Variants in PRKN observed in about 807,000 individuals in gnomAD.
The protein encoded by PRKN is parkin RBR E3 ubiquitin protein ligase.
Under a neutral mutation model 59.5 loss-of-function variants are expected in PRKN, and 56 were observed. The observed-to-expected ratio is 0.94, with a 90% CI of 0.76 to 1.18. PRKN has a LOEUF of 1.18. PRKN is among the 50% of genes most tolerant of loss of function. PRKN has a pLI of 0.00. For synonymous variants in PRKN, 250 were observed against 222.1 expected, an observed-to-expected ratio of 1.13 and a Z score of -1.12; for missense variants, 657 against 596.4, an observed-to-expected ratio of 1.10 and a Z score of -1.06.
At chr6:162,709,239 G>A (rs911741374) in intron 1 of PRKN, among the ~76,000 whole-genome samples, 8 of 151,984 alleles carry the variant, frequency 5.3e-5, no homozygotes, top group African/African-American at 1.2e-4. Flanking sequence ...TAAAGGTAAC[G>A]CACTTGAATT....
At chr6:162,361,830 T>G (rs551446271) in intron 2 of PRKN, among the ~76,000 whole-genome samples, 57 of 152,148 alleles carry the variant, frequency 3.7e-4, no homozygotes, top group Non-Finnish European at 7.1e-4. Context: ...TGTAAATACG[T>G]GCAGCCTGAT....
intron 7 of PRKN, among the ~76,000 whole-genome samples, chr6:161,687,340 G>T (rs539066254): frequency 3.2e-4 from 36 of 111,878 alleles, no homozygotes; most frequent in African/African-American, 1.1e-3. Context: ...AGTGAGCCGA[G>T]ATCGCACCAC....
At chr6:162,151,872 C>A (rs1782286255) in intron 4 of PRKN, among the ~76,000 whole-genome samples, 1 of 151,014 alleles carries the variant, frequency 6.6e-6, no homozygotes, top group Non-Finnish European at 1.5e-5. Flanking sequence ...CATAAACTGC[C>A]CAGAGTTACA....
At chr6:162,568,546 A>C in intron 1 of PRKN, 1 of 780,802 alleles carries the variant, frequency 1.3e-6, no homozygotes. Flanking sequence ...CTGGAGGTGG[A>C]CCCCAACATC....
rs1358269736 is a variant in PRKN at position 161,353,472 on chromosome 6, A to C, written c.1286-3261T>G. ...ATGCTTCCATCGTGCCTATCCCAGG[A>C]AGTCTCCATAGAGGGCCCCAGAGGA... On this transcript the variant is annotated intron_variant, in intron 11 of 11. Transcript: ENST00000366898. This position sits in a 1 kb window ranked among gnomAD's most constrained non-coding sequence, Gnocchi z 4.8. 6.6e-6 allele frequency among the ~76,000 whole-genome samples: 1 copy of C among 152,056 alleles called. No homozygotes were observed. The highest frequency in any genetic ancestry group is 1.5e-5 in the Non-Finnish European group (1 of 68,010).
intron 2 of PRKN, among the ~76,000 whole-genome samples, chr6:162,398,740 C>A (rs906980185): frequency 6.6e-6 from 1 of 152,248 alleles, no homozygotes; most frequent in East Asian, 1.9e-4. Context: ...TTCAGGGAAA[C>A]AAATATGCAA....
intron 9 of PRKN, among the ~76,000 whole-genome samples, chr6:161,404,949 T>C (rs1787195716): frequency 6.6e-6 from 1 of 152,232 alleles, no homozygotes; most frequent in Non-Finnish European, 1.5e-5. Flanking sequence ...TATATGTTTC[T>C]GTAAAGTCAT....
intron 9 of PRKN, among the ~76,000 whole-genome samples, chr6:161,431,705 C>T (rs1234313068): frequency 1.3e-5 from 2 of 151,856 alleles, no homozygotes; most frequent in Non-Finnish European, 2.9e-5. Flanking sequence ...CTCCGCCTCC[C>T]GGGTTCAAGA....
At chr6:162,153,007 G>C (rs1179384245) in intron 4 of PRKN, among the ~76,000 whole-genome samples, 1 of 152,204 alleles carries the variant, frequency 6.6e-6, no homozygotes, top group Non-Finnish European at 1.5e-5. Flanking sequence ...AAAAATAGTA[G>C]ATTAAACCAA....
intron 6 of PRKN, among the ~76,000 whole-genome samples, chr6:161,861,454 T>A (rs957486632): frequency 6.6e-6 from 1 of 152,034 alleles, no homozygotes; most frequent in African/African-American, 2.4e-5. Context: ...AGGGAGAGCA[T>A]TAGAACAAAT....
In PRKN at chr6:161,578,872, T is replaced by C. The variant is rs939853185; in HGVS notation, c.872-9456A>G. Among the ~76,000 whole-genome samples the C allele has an allele frequency of 6.6e-6, 1 of 152,252 alleles. No individual in the cohort carries two copies. The highest frequency in any genetic ancestry group is 1.9e-4 in the East Asian group (1 of 5,200). On this transcript the variant is annotated intron_variant, in intron 7 of 11. Coordinates refer to ENST00000366898, the MANE Select transcript of PRKN (RefSeq NM_004562.3). This position sits in a 1 kb window ranked among gnomAD's most constrained non-coding sequence, Gnocchi z 4.2. ...TAAATATTTTGAATTGTGTGTATAT[T>C]CTTGGCGCTTTGCCTTCACCTTTGA...
intron 9 of PRKN, among the ~76,000 whole-genome samples, chr6:161,411,287 T>C (rs1035021514): frequency 6.6e-6 from 1 of 152,128 alleles, no homozygotes; most frequent in African/African-American, 2.4e-5. Flanking sequence ...ACTGTCCTTG[T>C]GGTAGTGAAT....
chr6:161,658,519 T>C (rs1438180586), intron 7 of PRKN, among the ~76,000 whole-genome samples: 1 of 152,236 alleles, frequency 6.6e-6, no homozygotes, highest in Non-Finnish European at 1.5e-5. Context: ...GAGGAATTCA[T>C]AAGTGCCTCT....
At chr6:162,649,438 G>T (rs1257096752) in intron 1 of PRKN, among the ~76,000 whole-genome samples, 2 of 152,000 alleles carry the variant, frequency 1.3e-5, no homozygotes, top group Non-Finnish European at 2.9e-5. Context: ...GACAAACCAG[G>T]ATGGTACACA....
Position 161,499,387 on chromosome 6 carries a change from G to T in PRKN, c.1083+49467C>A, listed in dbSNP as rs1488252565. ...GGGCTGTGTTTTTCTAAAAGTAAGA[G>T]AAAGAGTGTATTTCTTTGTGGAGTG... is the stretch of plus-strand genomic sequence containing the variant. On this transcript the variant is annotated intron_variant, in intron 9 of 11. Coordinates refer to ENST00000366898, the MANE Select transcript of PRKN (RefSeq NM_004562.3). The surrounding 1 kb of genome is among the most constrained non-coding windows in gnomAD (Gnocchi z 4.2). Among the ~76,000 whole-genome samples the T allele has an allele frequency of 6.6e-6, 1 of 152,184 alleles. No homozygotes were observed. The highest frequency in any genetic ancestry group is 1.5e-5 in the Non-Finnish European group (1 of 68,018).
chr6:162,335,838 G>A (rs2128126211), intron 2 of PRKN, among the ~76,000 whole-genome samples: 1 of 151,966 alleles, frequency 6.6e-6, no homozygotes, highest in Middle Eastern at 3.4e-3. Flanking sequence ...TGAAGCGAGG[G>A]TGGCCAACTC....
At chr6:161,572,585 G>A (rs969256740) in intron 7 of PRKN, among the ~76,000 whole-genome samples, 10 of 152,100 alleles carry the variant, frequency 6.6e-5, no homozygotes, top group Non-Finnish European at 1.5e-5. Context: ...GCTTGAACCT[G>A]GGAGGCAGAG....
intron 7 of PRKN, among the ~76,000 whole-genome samples, chr6:161,746,613 CATAG>C (rs1448206851): frequency 7.0e-6 from 1 of 143,318 alleles, no homozygotes; most frequent in Admixed American, 7.1e-5. Context: ...CACACACATA[CATAG>C]ATATATACAC....
intron 2 of PRKN, among the ~76,000 whole-genome samples, chr6:162,296,618 G>T (rs150904589): frequency 2.0e-5 from 3 of 152,096 alleles, no homozygotes; most frequent in African/African-American, 7.2e-5. Context: ...ATCACATTGA[G>T]GTAAAGCAAA....
Sources: gnomAD v4.1 joint callset for allele counts (sites outside exome capture counted in the v4.1 genomes callset) on GRCh38, gnomAD v4.1.1 for gene constraint, Gnocchi (gnomAD v3.1) non-coding constraint, MANE v1.5 for transcripts, NCBI Gene and HGNC (gene_info 2026-07-23, HGNC 2026-07-21) for gene names.